The following ADAMTSL1 variants were observed in gnomAD, a reference collection of about 807,000 sequenced individuals.
ADAMTSL1 encodes ADAMTS-like protein 1.
Under a neutral mutation model 201.8 loss-of-function variants are expected in ADAMTSL1, and 126 were observed. The ratio of observed to expected loss-of-function variants is 0.62; its 90% CI spans 0.54 to 0.72. The LOEUF (loss-of-function observed/expected upper bound fraction) is 0.72, where lower values mean the gene tolerates loss of function less well. Among genes scored for constraint, ADAMTSL1 ranks in the 30% least tolerant of loss-of-function variants. ADAMTSL1 has a pLI of 0.00. For synonymous variants in ADAMTSL1, 1,121 were observed against 903.4 expected (o/e 1.24, Z -4.32); for missense variants, 2,679 against 2,277.8 (o/e 1.18, Z -3.59).
intron 1 of ADAMTSL1, among the ~76,000 whole-genome samples, chr9:17,914,901 A>C (rs1244724034): frequency 6.6e-6 from 1 of 152,222 alleles, no homozygotes; most frequent in Non-Finnish European, 1.5e-5. Flanking sequence ...GAGCCAAACC[A>C]ACTAAAATTC....
At chr9:18,753,114 T>C (rs566334174) in intron 15 of ADAMTSL1, among the ~76,000 whole-genome samples, 184 bp from the exon 16 acceptor site, 2 of 152,342 alleles carry the variant, frequency 1.3e-5, no homozygotes, top group South Asian at 4.1e-4. Context: ...TGCTTTAATG[T>C]AAATGAATTC....
intron 1 of ADAMTSL1, among the ~76,000 whole-genome samples, chr9:18,081,262 T>C (rs1823488210): frequency 6.6e-6 from 1 of 152,218 alleles, no homozygotes; most frequent in African/African-American, 2.4e-5. Flanking sequence ...TCAAGTCTAG[T>C]GTGTATGCTA....
At chr9:18,593,800 A>G (rs1248642051) in intron 4 of ADAMTSL1, among the ~76,000 whole-genome samples, 1 of 151,418 alleles carries the variant, frequency 6.6e-6, no homozygotes, top group Non-Finnish European at 1.5e-5. Flanking sequence ...TTTTTTTTTA[A>G]TGTTATGAGA....
intron 26 of ADAMTSL1, among the ~76,000 whole-genome samples, chr9:18,894,466 G>GTATTGAGCAGTACCAAT (rs1829491078): frequency 6.6e-6 from 1 of 150,996 alleles, no homozygotes; most frequent in Non-Finnish European, 1.5e-5. Context: ...GAGAATGAAG[G>GTATTGAGCAGTACCAAT]TATTGAGCAG....
chr9:17,964,347 C>G lies in ADAMTSL1; in HGVS notation c.87+57425C>G, dbSNP rs190802941. On this transcript the variant is annotated intron_variant, in intron 1 of 29. Transcript: ENST00000680146. ...ACTGAAACTATATATTCTCCAACCC[C>G]TACAAACAATATTCTACACTGTAGG... Among the ~76,000 whole-genome samples, 307 of 152,248 alleles carry G rather than the reference C, an allele frequency of 2.0e-3. 1 individual carries two copies. The highest frequency in any genetic ancestry group is 7.0e-3 in the African/African-American group (291 of 41,552).
intron 1 of ADAMTSL1, among the ~76,000 whole-genome samples, chr9:17,947,067 A>G (rs1465377967): frequency 6.6e-6 from 1 of 152,036 alleles, no homozygotes; most frequent in African/African-American, 2.4e-5. Context: ...ATGTAAAAGC[A>G]TATCAGCTTT....
At chr9:18,517,734 T>C (rs1189202770) in intron 2 of ADAMTSL1, among the ~76,000 whole-genome samples, 4 of 152,208 alleles carry the variant, frequency 2.6e-5, no homozygotes, top group African/African-American at 9.6e-5. Flanking sequence ...CATGTCCCTA[T>C]CATTTTTTAT....
At chr9:18,632,123 G>A (rs1826820008) in intron 5 of ADAMTSL1, among the ~76,000 whole-genome samples, 1 of 152,180 alleles carries the variant, frequency 6.6e-6, no homozygotes, top group Non-Finnish European at 1.5e-5. Context: ...AAGGAGGCAG[G>A]TGTTGCCACC....
chr9:18,639,372 G>T lies in ADAMTSL1; in HGVS notation c.795G>T (p.Leu265=). 6.2e-7 allele frequency: 1 copy of T among 1,612,980 alleles called. No homozygotes were observed. The highest frequency in any genetic ancestry group is 8.5e-7 in the Non-Finnish European group (1 of 1,179,250). The change falls in exon 7 of 29, where the codon CTG becomes CTT. Residue 265 remains leucine, a synonymous_variant. Transcript: ENST00000380548. ...DFQKFPDKEI[L]RMAGPLTADF... is the part of the protein sequence containing the mutation. ...AGAAATTTCCAGACAAAGAGATACTGAGAATGGCTGGACCACTCACAGCAG... is the reference window on the plus strand; with the variant it reads ...AGAAATTTCCAGACAAAGAGATACTTAGAATGGCTGGACCACTCACAGCAG...
At chr9:18,789,192 C>A (rs577797297) in intron 19 of ADAMTSL1, among the ~76,000 whole-genome samples, 22 of 152,094 alleles carry the variant, frequency 1.4e-4, no homozygotes, top group Non-Finnish European at 3.1e-4. Context: ...ATGATCATGG[C>A]GATGTTAACA....
chr9:18,637,105 G>T (rs753866243), intron 6 of ADAMTSL1, among the ~76,000 whole-genome samples: 1 of 152,100 alleles, frequency 6.6e-6, no homozygotes, highest in Admixed American at 6.6e-5. Flanking sequence ...GATTTGAAAG[G>T]CCTTGTGAAG....
chr9:18,433,098 G>T (rs140720244), intron 2 of ADAMTSL1, among the ~76,000 whole-genome samples: 141 of 152,158 alleles, frequency 9.3e-4, no homozygotes, highest in African/African-American at 3.2e-3. Context: ...GTTTTAAAAA[G>T]AATGGGGAAG....
At chr9:18,592,742 T>G (rs1469252808) in intron 4 of ADAMTSL1, among the ~76,000 whole-genome samples, 3 of 152,196 alleles carry the variant, frequency 2.0e-5, no homozygotes, top group Non-Finnish European at 4.4e-5. Flanking sequence ...GGATTGTTTT[T>G]TCTATTTCTG....
At chr9:18,407,830 A>G (rs1226496191) in intron 2 of ADAMTSL1, among the ~76,000 whole-genome samples, 1 of 152,232 alleles carries the variant, frequency 6.6e-6, no homozygotes. Context: ...GAGAAGAATG[A>G]GAGGGTCAAA....
At chr9:18,664,059 A>G (rs1248501948) in intron 9 of ADAMTSL1, among the ~76,000 whole-genome samples, 1 of 152,138 alleles carries the variant, frequency 6.6e-6, no homozygotes, top group Non-Finnish European at 1.5e-5. Flanking sequence ...AGAAAAGGGA[A>G]AAGAAAAAAT....
chr9:18,220,659 A>G (rs1297782135), intron 2 of ADAMTSL1, among the ~76,000 whole-genome samples: 2 of 151,578 alleles, frequency 1.3e-5, no homozygotes, highest in African/African-American at 2.4e-5. Flanking sequence ...GGTACTCTCT[A>G]TTTTGCATGC....
At chr9:18,018,309 G>A (rs576702102) in intron 1 of ADAMTSL1, among the ~76,000 whole-genome samples, 1 of 152,148 alleles carries the variant, frequency 6.6e-6, no homozygotes, top group African/African-American at 2.4e-5. Flanking sequence ...TCTTCATACA[G>A]ACTCTGAGAC....
At chr9:17,935,752 A>G (rs1198650516) in intron 1 of ADAMTSL1, among the ~76,000 whole-genome samples, 1 of 152,178 alleles carries the variant, frequency 6.6e-6, no homozygotes, top group East Asian at 1.9e-4. Context: ...ATCTTGATTC[A>G]AATGATCTAC....
chr9:18,464,033 C>T (rs945071628), intron 2 of ADAMTSL1, among the ~76,000 whole-genome samples: 5 of 152,238 alleles, frequency 3.3e-5, no homozygotes, highest in African/African-American at 9.6e-5. Context: ...ACAGGATGCA[C>T]TGCCTTCCAG....
Sources: gnomAD v4.1 joint callset for allele counts (sites outside exome capture counted in the v4.1 genomes callset) on GRCh38, gnomAD v4.1.1 for gene constraint, MANE v1.5 for transcripts, NCBI Gene and HGNC (gene_info 2026-07-23, HGNC 2026-07-21) for gene names.